Variants in ENPP1 observed in about 807,000 individuals in gnomAD.
ENPP1 encodes ectonucleotide pyrophosphatase/phosphodiesterase 1.
A neutral mutation model predicts 122.8 loss-of-function variants in ENPP1; 73 were observed. The observed-to-expected ratio is 0.59, with a 90% CI of 0.49 to 0.72. The LOEUF (loss-of-function observed/expected upper bound fraction) is 0.72, where lower values mean the gene tolerates loss of function less well. Among genes scored for constraint, ENPP1 ranks in the 30% least tolerant of loss-of-function variants. The pLI is 0.00. For synonymous variants in ENPP1, 367 were observed against 391.6 expected (o/e 0.94, Z 0.74); for missense variants, 978 against 1,128.1 (o/e 0.87, Z 1.91).
rs373260221 is a variant in ENPP1 at position 131,853,639 on chromosome 6, G to A, written c.618-1287G>A. 8.5e-5 allele frequency among the ~76,000 whole-genome samples: 13 copies of A among 152,258 alleles called. No homozygotes were observed. The South Asian group carries it at 2.3e-3, about 27-fold the overall frequency. ...TAGCTAGTGAAAATTGTATAAAAAT[G>A]TTCTCCTTGTGGGGTTGCTTTTGTG... is the stretch of plus-strand genomic sequence containing the variant. On this transcript the variant is annotated intron_variant, in intron 5 of 24. Transcript: ENST00000647893.
chr6:131,878,742 T>C (rs986713322), intron 19 of ENPP1, 149 bp downstream of exon 19: 6 of 710,202 alleles, frequency 8.4e-6, no homozygotes, highest in African/African-American at 5.3e-5. Context: ...AACATAGAGG[T>C]TTCTTTGCTT....
At chr6:131,818,640 T>C (rs535082393) in intron 1 of ENPP1, among the ~76,000 whole-genome samples, 1 of 108,608 alleles carries the variant, frequency 9.2e-6, no homozygotes, top group Non-Finnish European at 1.9e-5. Flanking sequence ...ACAGCGAGAC[T>C]CTGTCTCAAA....
At chr6:131,829,497 TGTGCCTTGGGA>T (rs1486498432) in intron 1 of ENPP1, among the ~76,000 whole-genome samples, 1 of 152,222 alleles carries the variant, frequency 6.6e-6, no homozygotes, top group African/African-American at 2.4e-5. Context: ...TAGTTTAGAT[TGTGCCTTGGGA>T]TGTCTGTCTG....
chr6:131,887,703 C>T lies in ENPP1; in HGVS notation c.2607+979C>T, dbSNP rs1442312182. On this transcript the variant is annotated intron_variant, in intron 24 of 24. Transcript: ENST00000647893. ...CCTCCCGAGTAGCTGGGACTACAGG[C>T]GCCCGCCACCACACCCGGCTAATTT... 7.4e-5 allele frequency among the ~76,000 whole-genome samples: 11 copies of T among 147,778 alleles called. 1 individual carries two copies. The highest frequency in any genetic ancestry group is 2.0e-4 in the African/African-American group (8 of 39,516).
intron 11 of ENPP1, among the ~76,000 whole-genome samples, chr6:131,865,674 T>A (rs796734261): frequency 5.3e-5 from 8 of 152,344 alleles, no homozygotes; most frequent in African/African-American, 1.9e-4. Context: ...CCTAGTATTT[T>A]GGAACACAGG....
intron 1 of ENPP1, among the ~76,000 whole-genome samples, chr6:131,821,482 T>C (rs974610381): frequency 1.3e-5 from 2 of 152,228 alleles, no homozygotes; most frequent in African/African-American, 4.8e-5. Context: ...GGCACATGGA[T>C]ACAAGTAGCC....
chr6:131,882,875 G>T (rs1439106630), intron 21 of ENPP1, among the ~76,000 whole-genome samples: 1 of 151,852 alleles, frequency 6.6e-6, no homozygotes, highest in Non-Finnish European at 1.5e-5. Context: ...TATTGTGAAG[G>T]TGGAATATAT....
In ENPP1 at chr6:131,846,063, C is replaced by T. The variant is rs143806004; in HGVS notation, c.241-1713C>T. ...CCTCACTTTCCTTACCATTCACTTC[C>T]TCTTAAGTCTTTGCAGTCACTTGAC... On this transcript the variant is annotated intron_variant, in intron 1 of 24. Coordinates refer to ENST00000647893, the MANE Select transcript of ENPP1 (RefSeq NM_006208.3). 2.1e-3 allele frequency among the ~76,000 whole-genome samples: 320 copies of T among 152,242 alleles called. 2 individuals carry two copies. The highest frequency in any genetic ancestry group is 7.4e-3 in the African/African-American group (309 of 41,554).
intron 1 of ENPP1, among the ~76,000 whole-genome samples, chr6:131,832,225 T>C (rs1351114632): frequency 6.6e-6 from 1 of 152,092 alleles, no homozygotes; most frequent in Non-Finnish European, 1.5e-5. Flanking sequence ...ATAAAACTAG[T>C]GTGTATAATC....
rs981546537 is a variant in ENPP1, at chr6:131,890,857, A to G, written c.*346A>G. ...ATTTGAATCTTTCTTACTATTGGTA[A>G]TAAACCTTGATGGCATTGGGCAAAC... On this transcript the variant is annotated 3_prime_UTR_variant, in exon 25 of 25. Transcript: ENST00000647893. 1.7e-5 allele frequency: 5 copies of G among 296,004 alleles called. No homozygotes were observed. Among genetic ancestry groups the G allele is most frequent in the Non-Finnish European group, 2.6e-5 (4 of 155,054 alleles). The allele number at this position is 296,004 out of a possible 1,614,324, so 18.3% of individuals were successfully genotyped here.
intron 15 of ENPP1, 64 bp from the exon 16 acceptor site, chr6:131,874,204 T>C: frequency 1.0e-6 from 1 of 968,892 alleles, no homozygotes; most frequent in Non-Finnish European, 1.7e-6. Flanking sequence ...AAAATAATGT[T>C]ATGATTATCA....
rs61475340 is a variant in ENPP1 at position 131,870,506 on chromosome 6, G to A, written c.1405+1017G>A. ...CAAATTTTGTTTGTCTTTTTGATAT[G>A]ATATAGTTAGTTAACTTTGAAACAG... On this transcript the variant is annotated intron_variant, in intron 13 of 24. Coordinates refer to ENST00000647893, the MANE Select transcript of ENPP1 (RefSeq NM_006208.3). 7.0e-3 allele frequency among the ~76,000 whole-genome samples: 1,064 copies of A among 152,164 alleles called. 12 individuals carry two copies. Among genetic ancestry groups the A allele is most frequent in the African/African-American group, 0.023 (968 of 41,512 alleles).
intron 1 of ENPP1, chr6:131,826,047 C>A (rs747909225): frequency 7.9e-6 from 6 of 761,698 alleles, no homozygotes; most frequent in Non-Finnish European, 1.2e-5. Flanking sequence ...TGAGCAAATT[C>A]TCTTCAACAA....
intron 1 of ENPP1, among the ~76,000 whole-genome samples, chr6:131,825,481 T>C (rs1781535661): frequency 6.6e-6 from 1 of 152,224 alleles, no homozygotes; most frequent in Non-Finnish European, 1.5e-5. Context: ...TCTTGCCACA[T>C]CCGTAGTGCT....
At chr6:131,837,869 T>C (rs1456761284) in intron 1 of ENPP1, among the ~76,000 whole-genome samples, 1 of 152,202 alleles carries the variant, frequency 6.6e-6, no homozygotes, top group Non-Finnish European at 1.5e-5. Flanking sequence ...TCTCTTTTGC[T>C]CTTAAATCAT....
Position 131,894,777 on chromosome 6 carries a change from C to G in ENPP1, c.*4266C>G, listed in dbSNP as rs1021459770. 6.6e-6 allele frequency: 1 copy of G among 152,208 alleles called. No homozygotes were observed. Among genetic ancestry groups the G allele is most frequent in the African/African-American group, 2.4e-5 (1 of 41,456 alleles). The allele number at this position is 152,208 out of a possible 1,614,324, so 9.4% of individuals were successfully genotyped here. ...AGGACTGGTAGGCCTGTTGGCTGTT[C>G]CTGTTTAAGGAGACAAGATGGGCAT... On this transcript the variant is annotated 3_prime_UTR_variant, in exon 25 of 25. Coordinates refer to ENST00000647893, the MANE Select transcript of ENPP1 (RefSeq NM_006208.3).
At position 131,890,774 on chromosome 6, in the gene ENPP1, C is replaced by T; in HGVS notation, c.*263C>T. Reference sequence around the variant, plus strand: ...GAATAAAGACAGACCACACCTAAAACTGCCTTTCTGCTTCTCTTAAAGGAG... The same window carrying T: ...GAATAAAGACAGACCACACCTAAAATTGCCTTTCTGCTTCTCTTAAAGGAG... On this transcript the variant is annotated 3_prime_UTR_variant, in exon 25 of 25. Coordinates refer to ENST00000647893, the MANE Select transcript of ENPP1 (RefSeq NM_006208.3). The T allele has an allele frequency of 2.1e-6, 1 of 469,194 alleles. No individual in the cohort carries two copies. The highest frequency in any genetic ancestry group is 4.0e-5 in the East Asian group (1 of 25,186). The allele number at this position is 469,194 out of a possible 1,614,324, so 29.1% of individuals were successfully genotyped here. A position where few individuals can be genotyped will look rare whatever the true frequency, so the allele number is the denominator to read the frequency against.
intron 7 of ENPP1, among the ~76,000 whole-genome samples, chr6:131,859,461 C>T (rs935030682): frequency 1.3e-5 from 2 of 151,596 alleles, no homozygotes; most frequent in African/African-American, 4.9e-5. Context: ...TCTCGGCTCA[C>T]TGCAACCTCC....
At chr6:131,871,073 T>G (rs998734226) in intron 13 of ENPP1, among the ~76,000 whole-genome samples, 1 of 142,580 alleles carries the variant, frequency 7.0e-6, no homozygotes, top group African/African-American at 2.6e-5. Context: ...AGACTCCATC[T>G]AAAAAAAAAA....
Sources: gnomAD v4.1 joint callset for allele counts (sites outside exome capture counted in the v4.1 genomes callset) on GRCh38, gnomAD v4.1.1 for gene constraint, MANE v1.5 for transcripts, NCBI Gene and HGNC (gene_info 2026-07-23, HGNC 2026-07-21) for gene names.